GFM1: variants seen among roughly 807,000 people sequenced by gnomAD.
GFM1 encodes the protein elongation factor G, mitochondrial.
In GFM1, 62 loss-of-function variants were observed where a neutral mutation model predicts 96.2. The ratio of observed to expected loss-of-function variants is 0.64; its 90% CI spans 0.53 to 0.80. GFM1 has a LOEUF of 0.80. Among genes scored for constraint, GFM1 ranks in the 30% least tolerant of loss-of-function variants. GFM1 has a pLI of 0.00. For missense variants in GFM1, 852 were observed against 916.6 expected (o/e 0.93, Z 0.91); for synonymous variants, 282 against 312.9 (o/e 0.90, Z 1.04).
intron 6 of GFM1, 125 bp downstream of exon 6, chr3:158,652,371 A>G (rs1722369904): frequency 2.4e-6 from 2 of 817,678 alleles, no homozygotes; most frequent in South Asian, 1.6e-5. Flanking sequence ...TTTATTTAAC[A>G]TAATTGGCTT....
chr3:158,666,309 G>A lies in GFM1; in HGVS notation c.1524G>A (p.Leu508=), dbSNP rs771376899. The A allele has an allele frequency of 1.2e-6, 2 of 1,611,738 alleles. No homozygotes were observed. Among genetic ancestry groups the A allele is most frequent in the Admixed American group, 3.3e-5 (2 of 59,984 alleles). Residue 508 remains leucine (L), a synonymous_variant, in exon 13 of 18, where the codon CTG becomes CTA. Coordinates refer to ENST00000486715, the MANE Select transcript of GFM1 (RefSeq NM_024996.7). ...ATTTTCCCCACTCTTTTTAGAGGCT[G>A]GAAAGAGAGTATGGCTGTCCTTGTA... ...ELHLEIYAQR[L]EREYGCPCIT... is the part of the protein sequence containing the mutation.
Position 158,665,486 on chromosome 3 carries a change from TAAG to T in GFM1, c.1518+13_1518+15del. The T allele has an allele frequency of 3.1e-6, 5 of 1,601,278 alleles. No individual in the cohort carries two copies. Among genetic ancestry groups the T allele is most frequent in the Non-Finnish European group, 4.3e-6 (5 of 1,169,080 alleles). The stretch of plus-strand genomic sequence containing the variant: ...AAATCTATGCTCAGGTAATGAATAA[TAAG>T]GAAGTTAAGTTGAAATCAATTTATT... On this transcript the variant is annotated intron_variant, in intron 12 of 17. Transcript: ENST00000486715.
intron 13 of GFM1, among the ~76,000 whole-genome samples, chr3:158,673,506 TTC>T (rs1177436438): frequency 8.3e-5 from 10 of 120,382 alleles, no homozygotes; most frequent in East Asian, 4.1e-4. Flanking sequence ...TTCTTTTCTT[TTC>T]TTTTTTTTTT....
At chr3:158,669,229 G>A in intron 13 of GFM1, 2 of 1,344,284 alleles carry the variant, frequency 1.5e-6, no homozygotes, top group Non-Finnish European at 2.0e-6. Context: ...TCCTTCGAAT[G>A]TTGTGCAAAA....
chr3:158,646,503 C>G (rs959536251), intron 3 of GFM1, among the ~76,000 whole-genome samples: 2 of 152,182 alleles, frequency 1.3e-5, no homozygotes, highest in Non-Finnish European at 2.9e-5. Flanking sequence ...TGTGAGTAGG[C>G]AGATTCTTGC....
chr3:158,653,034 A>AT (rs958217502), intron 6 of GFM1, among the ~76,000 whole-genome samples: 13 of 150,944 alleles, frequency 8.6e-5, no homozygotes, highest in South Asian at 6.3e-4. Context: ...GTGTATATGT[A>AT]TTTTTTTTTA....
At chr3:158,653,115 C>T (rs1437069400) in intron 6 of GFM1, among the ~76,000 whole-genome samples, 195 bp from the exon 7 acceptor site, 2 of 152,016 alleles carry the variant, frequency 1.3e-5, no homozygotes, top group Non-Finnish European at 2.9e-5. Flanking sequence ...AATCACTTCC[C>T]AGCCCTGAAG....
intron 15 of GFM1, among the ~76,000 whole-genome samples, chr3:158,685,695 A>G (rs1725779931): frequency 6.6e-6 from 1 of 152,134 alleles, no homozygotes. Flanking sequence ...TCAGCTCTCT[A>G]TTAAAAATGC....
At chr3:158,661,860 G>A (rs9873667) in intron 10 of GFM1, among the ~76,000 whole-genome samples, 63,177 of 151,858 alleles carry the variant, frequency 0.42, 14,283 homozygotes, top group African/African-American at 0.6. Context: ...TTTATCTGTA[G>A]TATCCTCTAA....
chr3:158,666,975 T>G, intron 13 of GFM1: 1 of 1,576,636 alleles, frequency 6.3e-7, no homozygotes, highest in Non-Finnish European at 8.6e-7. Context: ...GTCTCAGTTT[T>G]CAGAATGGCA....
chr3:158,677,581 G>A (rs1725009830), intron 13 of GFM1, among the ~76,000 whole-genome samples: 1 of 152,082 alleles, frequency 6.6e-6, no homozygotes, highest in African/African-American at 2.4e-5. Context: ...GCTCACTACA[G>A]TGAGCCTCTG....
At chr3:158,682,796 G>A (rs1339366367) in intron 14 of GFM1, among the ~76,000 whole-genome samples, 6 of 152,030 alleles carry the variant, frequency 3.9e-5, no homozygotes, top group Non-Finnish European at 5.9e-5. Context: ...AGGCCGAGGC[G>A]GGCAGATCAC....
At chr3:158,675,289 A>C (rs6795782) in intron 13 of GFM1, among the ~76,000 whole-genome samples, 33 of 99,388 alleles carry the variant, frequency 3.3e-4, no homozygotes, top group African/African-American at 1.2e-3. Context: ...CCATCTCAAA[A>C]AAAAAAAAAA....
chr3:158,680,273 A>G (rs192405451), intron 13 of GFM1, among the ~76,000 whole-genome samples: 1 of 152,000 alleles, frequency 6.6e-6, no homozygotes, highest in East Asian at 1.9e-4. Context: ...ATTGTACCCA[A>G]TAGGTGAGTT....
rs140028880 is a variant in GFM1, at chr3:158,658,054, G to A, written c.1084-868G>A. 3.1e-3 allele frequency among the ~76,000 whole-genome samples: 470 copies of A among 151,362 alleles called. 2 individuals carry two copies. Among genetic ancestry groups the A allele is most frequent in the African/African-American group, 0.011 (433 of 41,204 alleles). ...GTTTAAAATTTCCTGTTGGGATTTCGATTGCTATTTTGTTAAGCCTATAAT... is the reference window on the plus strand; with the variant it reads ...GTTTAAAATTTCCTGTTGGGATTTCAATTGCTATTTTGTTAAGCCTATAAT... On this transcript the variant is annotated intron_variant, in intron 8 of 17. Transcript: ENST00000486715.
chr3:158,694,977 G>A lies in GFM1; in HGVS notation c.*3510G>A, dbSNP rs1253240946. Reference sequence around the variant, plus strand: ...AGACTGTTAATGAAAAGAGGACATAGGGAATAGTTTTTCATTTTATGCCAA... The same window carrying A: ...AGACTGTTAATGAAAAGAGGACATAAGGAATAGTTTTTCATTTTATGCCAA... On this transcript the variant is annotated 3_prime_UTR_variant, in exon 18 of 18. Coordinates refer to ENST00000486715, the MANE Select transcript of GFM1 (RefSeq NM_024996.7). Among the ~76,000 whole-genome samples, 2 of 152,218 alleles carry A rather than the reference G, an allele frequency of 1.3e-5. No homozygotes were observed. The highest frequency in any genetic ancestry group is 3.2e-3 in the Middle Eastern group (1 of 316).
chr3:158,672,655 A>G (rs1446643785), intron 13 of GFM1: 9 of 662,678 alleles, frequency 1.4e-5, no homozygotes, highest in Admixed American at 1.2e-4. Context: ...GTTTGGGCCC[A>G]GGCTCCCTGC....
chr3:158,669,228 T>C, intron 13 of GFM1: 1 of 1,351,068 alleles, frequency 7.4e-7, no homozygotes, highest in East Asian at 2.5e-5. Flanking sequence ...TTCCTTCGAA[T>C]GTTGTGCAAA....
At chr3:158,670,123 A>G (rs997581189) in intron 13 of GFM1, among the ~76,000 whole-genome samples, 4 of 152,210 alleles carry the variant, frequency 2.6e-5, no homozygotes, top group Admixed American at 1.3e-4. Flanking sequence ...CTCTTTATGA[A>G]TTATGCTCAA....
Sources: gnomAD v4.1 joint callset for allele counts (sites outside exome capture counted in the v4.1 genomes callset) on GRCh38, gnomAD v4.1.1 for gene constraint, MANE v1.5 for transcripts, NCBI Gene and HGNC (gene_info 2026-07-23, HGNC 2026-07-21) for gene names.